Variants in GSDMB observed in about 807,000 individuals in gnomAD.
GSDMB encodes gasdermin-B.
Under a neutral mutation model 42.9 loss-of-function variants are expected in GSDMB, and 32 were observed. The observed-to-expected ratio is 0.75, with a 90% CI of 0.56 to 1.00. GSDMB has a LOEUF of 1.00. Ranked by LOEUF, GSDMB falls within the 50% of genes least tolerant of loss-of-function variation. The probability of loss-of-function intolerance (pLI) is 0.00; values close to 1 mark genes in which losing one functional copy is unlikely to be tolerated. For missense variants in GSDMB, 468 were observed against 498.5 expected, an observed-to-expected ratio of 0.94 and a Z score of 0.58; for synonymous variants, 175 against 193.7, an observed-to-expected ratio of 0.90 and a Z score of 0.80.
chr17:39,908,352 T>C (rs1347595827), intron 5 of GSDMB, 138 bp from the exon 6 acceptor site: 2 of 591,966 alleles, frequency 3.4e-6, no homozygotes, highest in Non-Finnish European at 6.0e-6. Context: ...AAGACAACTG[T>C]TTTTTGTTTT....
chr17:39,908,809 C>T, intron 5 of GSDMB, 149 bp downstream of exon 5: 1 of 667,316 alleles, frequency 1.5e-6, no homozygotes, highest in Non-Finnish European at 2.7e-6. Flanking sequence ...CTTCCTAGTG[C>T]TGAACCCACC....
intron 2 of GSDMB, among the ~76,000 whole-genome samples, chr17:39,915,025 C>G (rs2063684374): frequency 6.6e-6 from 1 of 152,054 alleles, no homozygotes; most frequent in Non-Finnish European, 1.5e-5. Flanking sequence ...TTAGTAAAGA[C>G]AGGGTTTTGC....
chr17:39,910,076 T>C, intron 3 of GSDMB, 152 bp from the exon 4 acceptor site: 1 of 655,016 alleles, frequency 1.5e-6, no homozygotes, highest in South Asian at 2.0e-5. Flanking sequence ...CAGTTCACTT[T>C]ACCCACCTCG....
At chr17:39,914,401 G>A (rs573940870) in intron 2 of GSDMB, among the ~76,000 whole-genome samples, 3 of 152,210 alleles carry the variant, frequency 2.0e-5, no homozygotes, top group Non-Finnish European at 4.4e-5. Context: ...AAGGAGACAT[G>A]ACAACGAAAT....
chr17:39,905,576 G>A, intron 9 of GSDMB, 80 bp from the exon 10 acceptor site: 8 of 1,181,744 alleles, frequency 6.8e-6, no homozygotes, highest in Non-Finnish European at 1.0e-5. Context: ...CCCAGAACAT[G>A]TATCATCAAA....
chr17:39,917,402 G>C (rs952717245), intron 1 of GSDMB, 72 bp from the exon 2 acceptor site: 2 of 882,894 alleles, frequency 2.3e-6, no homozygotes, highest in Non-Finnish European at 3.7e-6. Context: ...TTCCACATTT[G>C]GCAGCCTGAG....
intron 2 of GSDMB, among the ~76,000 whole-genome samples, chr17:39,914,833 C>CTTTTTTTTTTTT: frequency 7.1e-6 from 1 of 140,050 alleles, no homozygotes; most frequent in Non-Finnish European, 1.5e-5. Context: ...CCTATGCACA[C>CTTTTTTTTTTTT]TTTTTTTTTT....
chr17:39,916,659 A>C (rs752812877), intron 2 of GSDMB, among the ~76,000 whole-genome samples: 1 of 152,062 alleles, frequency 6.6e-6, no homozygotes, highest in Non-Finnish European at 1.5e-5. Context: ...GCAATAAAAC[A>C]ACTTGTCCAA....
rs3076832 is a variant in GSDMB, at chr17:39,916,280, A to ATTTTT, written c.235+797_235+801dup. Among the ~76,000 whole-genome samples the ATTTTT allele has an allele frequency of 1.7e-3, 197 of 119,018 alleles. 3 individuals are homozygous for ATTTTT. Among genetic ancestry groups the ATTTTT allele is most frequent in the African/African-American group, 2.3e-3 (69 of 30,248 alleles). 78.1% of individuals were successfully genotyped at this position (119,018 alleles called of 152,430 possible). The stretch of plus-strand genomic sequence containing the variant: ...GATTCACGTAATTTGTTCTCATTTG[A>ATTTTT]TTTTTTTTTTTTTTTTTTTTGAGAC... On this transcript the variant is annotated intron_variant, in intron 2 of 10. Transcript: ENST00000418519.
chr17:39,909,631 G>T, intron 4 of GSDMB, 125 bp downstream of exon 4: 1 of 798,596 alleles, frequency 1.3e-6, no homozygotes. Flanking sequence ...CTTGGGGCAA[G>T]GTGGCCAAGA....
rs762711517 is a variant in GSDMB, at chr17:39,904,902, A to C, written c.1161T>G (p.Tyr387Ter). The C allele has an allele frequency of 1.9e-6, 3 of 1,613,624 alleles. No homozygotes were observed. The highest frequency in any genetic ancestry group is 2.5e-6 in the Non-Finnish European group (3 of 1,179,536). The change falls in exon 11 of 11, where the codon TAT (tyrosine) becomes TAG (stop). Residue 387 changes from tyrosine (Y) to a stop codon, truncating the protein, a stop_gained. Coordinates refer to ENST00000418519, the MANE Select transcript of GSDMB (RefSeq NM_001165958.2). LOFTEE classifies it low-confidence loss of function (END_TRUNC). ...ELASSPPDMD[Y>*]DPEARILCAL... Reference sequence around the variant, plus strand: ...CACAGAGAATTCGTGCCTCAGGGTCATAGTCCATGTCAGGAGGACTGCTGG... The same window carrying C: ...CACAGAGAATTCGTGCCTCAGGGTCCTAGTCCATGTCAGGAGGACTGCTGG...
At chr17:39,914,717 G>C in intron 2 of GSDMB, among the ~76,000 whole-genome samples, 1 of 141,686 alleles carries the variant, frequency 7.1e-6, no homozygotes, top group East Asian at 2.1e-4. Flanking sequence ...AGCCGAGATC[G>C]CGCCACTGCT....
chr17:39,906,689 A>AC (rs35196450), intron 7 of GSDMB: 488,494 of 1,166,174 alleles, frequency 0.42, 107,874 homozygotes, highest in Non-Finnish European at 0.45. Context: ...TGTCCAGGCC[A>AC]CACCCCCACA....
At chr17:39,908,344 G>C (rs1176749110) in intron 5 of GSDMB, 130 bp from the exon 6 acceptor site, 1 of 499,446 alleles carries the variant, frequency 2.0e-6, no homozygotes, top group African/African-American at 2.7e-5. Flanking sequence ...AAAAAAAAAA[G>C]ACAACTGTTT....
chr17:39,914,792 A>G (rs1382988217), intron 2 of GSDMB, among the ~76,000 whole-genome samples: 5 of 151,612 alleles, frequency 3.3e-5, no homozygotes, highest in Non-Finnish European at 5.9e-5. Flanking sequence ...TAATGTGAAT[A>G]AAGTATGGAC....
At chr17:39,908,910 T>C (rs552770775) in intron 5 of GSDMB, 48 bp downstream of exon 5, 3 of 1,090,928 alleles carry the variant, frequency 2.7e-6, no homozygotes, top group Admixed American at 1.9e-5. Context: ...CCCACCTCAC[T>C]GGTGTGTTTA....
intron 7 of GSDMB, chr17:39,906,581 G>C (rs2063508647): frequency 7.5e-7 from 1 of 1,333,364 alleles, no homozygotes. Flanking sequence ...GCAGTCCTCA[G>C]GCCACACTAG....
At position 39,909,023 on chromosome 17, in the gene GSDMB, A is replaced by T; in HGVS notation, c.596T>A (p.Ile199Asn). ...ATAGCTCAGGACCCGATTTGGGGGG[A>T]TGGTCACTTCCCTTTGGCCCTAGAA... ...YKHKGQREVT[I>N]PPNRVLSYRV... Residue 199 changes from isoleucine to asparagine, a missense_variant, in exon 5 of 11, where the codon ATC (isoleucine) becomes AAC (asparagine). Ile to Asn is a moderately radical substitution (Grantham distance 149, BLOSUM62 -3). Transcript: ENST00000418519. The T allele has an allele frequency of 6.3e-7, 1 of 1,599,212 alleles. No individual in the cohort carries two copies. Among genetic ancestry groups the T allele is most frequent in the Non-Finnish European group, 8.5e-7 (1 of 1,173,420 alleles).
intron 6 of GSDMB, chr17:39,907,354 A>G (rs764373173): frequency 4.3e-6 from 1 of 231,564 alleles, no homozygotes; most frequent in Non-Finnish European, 7.5e-6. Flanking sequence ...GAAATTCCAG[A>G]GGAAGCCACA....
Sources: gnomAD v4.1 joint callset for allele counts (sites outside exome capture counted in the v4.1 genomes callset) on GRCh38, gnomAD v4.1.1 for gene constraint, MANE v1.5 for transcripts, NCBI Gene and HGNC (gene_info 2026-07-23, HGNC 2026-07-21) for gene names.